Variants in MAP3K5 observed in about 807,000 individuals in gnomAD.
The protein encoded by MAP3K5 is ASK-1.
In MAP3K5, 56 loss-of-function variants were observed where a neutral mutation model predicts 158.7. That is an observed-to-expected ratio of 0.35 (90% CI 0.28 to 0.44). MAP3K5 has a LOEUF of 0.44. Among genes scored for constraint, MAP3K5 ranks in the 20% least tolerant of loss-of-function variants. MAP3K5 has a pLI of 1.00. For missense variants in MAP3K5, 1,294 were observed against 1,674.8 expected (o/e 0.77, Z 3.97); for synonymous variants, 579 against 601.7 (o/e 0.96, Z 0.55).
intron 1 of MAP3K5, among the ~76,000 whole-genome samples, chr6:136,767,691 C>T (rs530251181): frequency 1.6e-4 from 24 of 152,162 alleles, no homozygotes; most frequent in African/African-American, 5.3e-4. Context: ...ATTAACAAGC[C>T]TAAAATTCAT....
intron 7 of MAP3K5, among the ~76,000 whole-genome samples, chr6:136,692,839 C>T (rs938035198): frequency 2.0e-5 from 3 of 152,030 alleles, no homozygotes; most frequent in Admixed American, 6.5e-5. Flanking sequence ...ACCTGTGGTC[C>T]CAGCTACTCA....
intron 8 of MAP3K5, among the ~76,000 whole-genome samples, chr6:136,661,041 C>T (rs969873442): frequency 8.6e-5 from 13 of 151,536 alleles, no homozygotes; most frequent in African/African-American, 3.2e-4. Context: ...GACATTCCAT[C>T]TTACTAGTTT....
chr6:136,583,244 G>A (rs529030288), intron 24 of MAP3K5, among the ~76,000 whole-genome samples: 2 of 152,140 alleles, frequency 1.3e-5, no homozygotes, highest in African/African-American at 4.8e-5. Flanking sequence ...AGTGTGTTAC[G>A]TTGCTAAAGT....
intron 14 of MAP3K5, among the ~76,000 whole-genome samples, chr6:136,627,099 G>A (rs1440701630): frequency 6.6e-6 from 1 of 152,010 alleles, no homozygotes; most frequent in East Asian, 1.9e-4. Context: ...GCAGACATCT[G>A]GTAGCCACTG....
chr6:136,590,740 C>T (rs200103979), intron 23 of MAP3K5, among the ~76,000 whole-genome samples: 1 of 152,002 alleles, frequency 6.6e-6, no homozygotes, highest in Admixed American at 6.6e-5. Flanking sequence ...TGGGGTTTCA[C>T]CGTGTTAGCC....
intron 1 of MAP3K5, among the ~76,000 whole-genome samples, chr6:136,735,516 T>C (rs1009343533): frequency 6.6e-6 from 1 of 152,202 alleles, no homozygotes; most frequent in Non-Finnish European, 1.5e-5. Flanking sequence ...TAGGAGTCCT[T>C]ATCTTTCAGA....
chr6:136,614,421 T>C, intron 15 of MAP3K5, 135 bp from the exon 16 acceptor site: 6 of 876,812 alleles, frequency 6.8e-6, no homozygotes, highest in South Asian at 1.7e-5. Context: ...AAGGCCTTTA[T>C]TTCTCCTAAG....
At chr6:136,741,767 T>C (rs1200722272) in intron 1 of MAP3K5, among the ~76,000 whole-genome samples, 1 of 152,104 alleles carries the variant, frequency 6.6e-6, no homozygotes, top group Non-Finnish European at 1.5e-5. Flanking sequence ...ACAAAAACCC[T>C]CCTAGAATTA....
At chr6:136,763,244 C>G (rs1052061311) in intron 1 of MAP3K5, among the ~76,000 whole-genome samples, 1 of 152,156 alleles carries the variant, frequency 6.6e-6, no homozygotes, top group African/African-American at 2.4e-5. Flanking sequence ...TAAAAGGTAA[C>G]CATCTCTGTT....
intron 2 of MAP3K5, among the ~76,000 whole-genome samples, chr6:136,706,990 AT>A (rs1781102804): frequency 6.6e-6 from 1 of 152,162 alleles, no homozygotes; most frequent in Non-Finnish European, 1.5e-5. Flanking sequence ...TCTAGAAAAC[AT>A]TTAAAAATTA....
In MAP3K5 at chr6:136,707,186, T is replaced by C. The variant is rs151316417; in HGVS notation, c.589-2053A>G. On this transcript the variant is annotated intron_variant, in intron 2 of 29. Coordinates refer to ENST00000359015, the MANE Select transcript of MAP3K5 (RefSeq NM_005923.4). ...AAAATGACTAAAAGATATTCTTCAATACCTGACAATCTTGCTGATAGAAAA... is the reference window on the plus strand; with the variant it reads ...AAAATGACTAAAAGATATTCTTCAACACCTGACAATCTTGCTGATAGAAAA... Among the ~76,000 whole-genome samples, 3 of 152,308 alleles carry C rather than the reference T, an allele frequency of 2.0e-5. No individual in the cohort carries two copies. In the East Asian group the frequency reaches 5.8e-4, roughly 29 times the overall value.
chr6:136,654,102 C>T (rs1329155282), intron 10 of MAP3K5, among the ~76,000 whole-genome samples: 7 of 152,198 alleles, frequency 4.6e-5, no homozygotes, highest in East Asian at 1.9e-4. Flanking sequence ...GCCTACCACT[C>T]GCAGATAACT....
At chr6:136,717,060 A>C (rs2002623) in intron 2 of MAP3K5, among the ~76,000 whole-genome samples, 62,667 of 151,422 alleles carry the variant, frequency 0.41, 13,934 homozygotes, top group Non-Finnish European at 0.5. Context: ...CTGGAGGCGG[A>C]GGTTGCAGTG....
chr6:136,651,777 T>C (rs779870153), intron 10 of MAP3K5, among the ~76,000 whole-genome samples: 2 of 152,120 alleles, frequency 1.3e-5, no homozygotes, highest in African/African-American at 2.4e-5. Flanking sequence ...GATAAATGAG[T>C]TGAGAATCTC....
chr6:136,676,793 C>CTTTTTTTTTT (rs67161871), intron 7 of MAP3K5, among the ~76,000 whole-genome samples: 13 of 130,732 alleles, frequency 9.9e-5, no homozygotes, highest in South Asian at 2.4e-4. Flanking sequence ...CTTTTCTTTT[C>CTTTTTTTTTT]TTTTTTTTTT....
intron 24 of MAP3K5, 49 bp from the exon 25 acceptor site, chr6:136,580,455 G>T: frequency 8.6e-7 from 1 of 1,161,082 alleles, no homozygotes; most frequent in Non-Finnish European, 1.3e-6. Context: ...ATTGCAAATA[G>T]CCTAGATGAT....
intron 1 of MAP3K5, among the ~76,000 whole-genome samples, chr6:136,753,901 C>T (rs1412274808): frequency 1.3e-5 from 2 of 152,138 alleles, no homozygotes; most frequent in Non-Finnish European, 2.9e-5. Context: ...GCTGAAGTGA[C>T]GAGCGCATTT....
intron 1 of MAP3K5, among the ~76,000 whole-genome samples, chr6:136,733,425 T>G (rs1389725695): frequency 6.6e-6 from 1 of 152,238 alleles, no homozygotes; most frequent in African/African-American, 2.4e-5. Context: ...AATCACAGTT[T>G]ATATCTTCTG....
chr6:136,715,107 A>G (rs901957872), intron 2 of MAP3K5, among the ~76,000 whole-genome samples: 2 of 152,248 alleles, frequency 1.3e-5, no homozygotes, highest in Non-Finnish European at 2.9e-5. Flanking sequence ...ACGTTTCAAC[A>G]CAAACTGCAT....
Sources: allele counts gnomAD v4.1 joint callset (sites outside exome capture counted in the v4.1 genomes callset), GRCh38; gene constraint gnomAD v4.1.1; transcripts MANE v1.5; gene names NCBI Gene and HGNC (gene_info 2026-07-23, HGNC 2026-07-21).